The following RGL1 variants were observed in gnomAD, a reference collection of about 807,000 sequenced individuals.
RGL1 encodes the protein ral guanine nucleotide dissociation stimulator-like 1.
RGL1 carries 24 observed loss-of-function variants against 95.2 expected under a neutral mutation model. The observed-to-expected ratio is 0.25, with a 90% CI of 0.18 to 0.35. The LOEUF (loss-of-function observed/expected upper bound fraction) is 0.35, where lower values mean the gene tolerates loss of function less well. Ranked by LOEUF, RGL1 falls within the 10% of genes least tolerant of loss-of-function variation. The pLI, the probability that RGL1 is intolerant of heterozygous loss-of-function variation, is 1.00. For synonymous variants in RGL1, 329 were observed against 344.9 expected (o/e 0.95, Z 0.51); for missense variants, 715 against 936.3 (o/e 0.76, Z 3.08).
Position 183,805,141 on chromosome 1 carries a change from G to C in RGL1, c.-157G>C, listed in dbSNP as rs922586784. 5 of 960,612 alleles carry C rather than the reference G, an allele frequency of 5.2e-6. No individual in the cohort carries two copies. Among genetic ancestry groups the C allele is most frequent in the East Asian group, 3.6e-5 (1 of 27,784 alleles). The allele number at this position is 960,612 out of a possible 1,614,324, so 59.5% of individuals were successfully genotyped here. On this transcript the variant is annotated 5_prime_UTR_variant, in exon 1 of 18. Transcript: ENST00000360851. ...CTTTGTGGCCCGAGTCGCGCGCACC[G>C]GCGGCGGCGGGGGCAGCGCGGCGCG...
chr1:183,870,236 G>T (rs111788069), intron 4 of RGL1, among the ~76,000 whole-genome samples: 2 of 152,200 alleles, frequency 1.3e-5, no homozygotes, highest in African/African-American at 4.8e-5. Flanking sequence ...TGACGTGACT[G>T]CTACGTAGTA....
At chr1:183,860,754 G>A (rs147631677) in intron 3 of RGL1, among the ~76,000 whole-genome samples, 1 of 152,082 alleles carries the variant, frequency 6.6e-6, no homozygotes. Context: ...ACTAATTATT[G>A]TTGTCTGTCT....
chr1:183,877,286 C>G (rs1666551243), intron 4 of RGL1, among the ~76,000 whole-genome samples: 1 of 152,236 alleles, frequency 6.6e-6, no homozygotes, highest in Non-Finnish European at 1.5e-5. Context: ...CATCCCCCCA[C>G]TCTGTTCTGG....
intron 12 of RGL1, among the ~76,000 whole-genome samples, chr1:183,903,562 G>T (rs940071095): frequency 6.6e-6 from 1 of 152,012 alleles, no homozygotes; most frequent in African/African-American, 2.4e-5. Context: ...CCTAACATGG[G>T]GGGGGTTTGG....
intron 14 of RGL1, among the ~76,000 whole-genome samples, chr1:183,907,572 A>T (rs1187881583): frequency 6.6e-6 from 1 of 152,192 alleles, no homozygotes; most frequent in Admixed American, 6.5e-5. Flanking sequence ...AGACGTTTGC[A>T]CTGGCTGTGC....
chr1:183,870,625 G>C (rs765937761), intron 4 of RGL1, among the ~76,000 whole-genome samples: 1 of 152,072 alleles, frequency 6.6e-6, no homozygotes, highest in Non-Finnish European at 1.5e-5. Context: ...TCAAGCTTTC[G>C]GGCCCGGGGG....
intron 4 of RGL1, among the ~76,000 whole-genome samples, chr1:183,868,026 A>G (rs897244795): frequency 6.6e-6 from 1 of 152,254 alleles, no homozygotes; most frequent in Non-Finnish European, 1.5e-5. Flanking sequence ...CACAAGGTAC[A>G]GTGGGAGGAA....
intron 7 of RGL1, among the ~76,000 whole-genome samples, chr1:183,886,878 T>C (rs1441081154): frequency 2.0e-5 from 3 of 152,124 alleles, no homozygotes; most frequent in Non-Finnish European, 4.4e-5. Context: ...GGTATGTTTT[T>C]ACTTTTGCAT....
chr1:183,885,942 TAGAG>T (rs1217850483), intron 7 of RGL1, among the ~76,000 whole-genome samples: 1 of 151,956 alleles, frequency 6.6e-6, no homozygotes, highest in Non-Finnish European at 1.5e-5. Context: ...ATTTGAAGAT[TAGAG>T]AGGTTTTTTT....
intron 4 of RGL1, among the ~76,000 whole-genome samples, chr1:183,880,309 C>A (rs563053422): frequency 2.4e-4 from 37 of 152,252 alleles, no homozygotes; most frequent in Admixed American, 8.5e-4. Flanking sequence ...ACTCACTAAA[C>A]CTTCTACACA....
chr1:183,788,237 G>A (rs780484893), intron 2 of RGL1, among the ~76,000 whole-genome samples: 1 of 152,154 alleles, frequency 6.6e-6, no homozygotes, highest in African/African-American at 2.4e-5. Context: ...AACCAGCAGC[G>A]AAATTCAGTC....
intron 9 of RGL1, among the ~76,000 whole-genome samples, chr1:183,894,935 A>G (rs1667605527): frequency 6.6e-6 from 1 of 152,190 alleles, no homozygotes; most frequent in African/African-American, 2.4e-5. Flanking sequence ...TGTCCTTGTG[A>G]TTTCTGAAAC....
At chr1:183,803,812 G>A (rs1210606524), upstream of RGL1, among the ~76,000 whole-genome samples, 1 of 152,172 alleles carries the variant, frequency 6.6e-6, no homozygotes, top group Non-Finnish European at 1.5e-5. Flanking sequence ...CAAGCAGGGA[G>A]GTAGGGCCTT....
chr1:183,646,764 G>A (rs1650321166), intron 1 of RGL1: 1 of 152,252 alleles, frequency 6.6e-6, no homozygotes, highest in Non-Finnish European at 1.5e-5. Context: ...CAGGCTTTCA[G>A]CTGGGATGGA....
intron 1 of RGL1, among the ~76,000 whole-genome samples, chr1:183,654,107 G>A (rs1251842462): frequency 1.3e-5 from 2 of 152,120 alleles, no homozygotes; most frequent in Middle Eastern, 3.2e-3. Flanking sequence ...CTGTCTTCTC[G>A]AAGCTTCGCC....
intron 2 of RGL1, among the ~76,000 whole-genome samples, chr1:183,760,276 C>T (rs991521995): frequency 6.6e-6 from 1 of 152,152 alleles, no homozygotes; most frequent in Admixed American, 6.5e-5. Flanking sequence ...TGGCTGCTGG[C>T]TGATCAGAGT....
At chr1:183,903,354 TG>T (rs1337677765) in intron 12 of RGL1, among the ~76,000 whole-genome samples, 1 of 152,186 alleles carries the variant, frequency 6.6e-6, no homozygotes, top group African/African-American at 2.4e-5. Flanking sequence ...ACTCTTCCTG[TG>T]GATAGCACAG....
intron 1 of RGL1, among the ~76,000 whole-genome samples, chr1:183,673,927 T>C (rs893993706): frequency 6.6e-6 from 1 of 152,216 alleles, no homozygotes; most frequent in Admixed American, 6.5e-5. Context: ...GTCTTGGCTT[T>C]GTCTTAATCC....
At chr1:183,794,218 A>T (rs918546270) in intron 2 of RGL1, among the ~76,000 whole-genome samples, 9 of 152,204 alleles carry the variant, frequency 5.9e-5, no homozygotes, top group Non-Finnish European at 1.2e-4. Flanking sequence ...GTTCTCACTC[A>T]TGTGGGAGCT....
Sources: allele counts gnomAD v4.1 joint callset (sites outside exome capture counted in the v4.1 genomes callset), GRCh38; gene constraint gnomAD v4.1.1; transcripts MANE v1.5; gene names NCBI Gene and HGNC (gene_info 2026-07-23, HGNC 2026-07-21).